Variants in CNTNAP2 observed in about 807,000 individuals in gnomAD.
CNTNAP2 encodes the protein contactin associated protein 2.
CNTNAP2 carries 98 observed loss-of-function variants against 155.2 expected under a neutral mutation model. The observed-to-expected ratio is 0.63, with a 90% CI of 0.54 to 0.75. The LOEUF (loss-of-function observed/expected upper bound fraction) is 0.75, where lower values mean the gene tolerates loss of function less well. Ranked by LOEUF, CNTNAP2 falls within the 30% of genes least tolerant of loss-of-function variation. The pLI is 0.00. For synonymous variants in CNTNAP2, 651 were observed against 631.2 expected (o/e 1.03, Z -0.47); for missense variants, 1,727 against 1,688.1 (o/e 1.02, Z -0.40).
Position 146,540,520 on chromosome 7 carries a change from A to G in CNTNAP2, c.98-233751A>G, listed in dbSNP as rs1205821351. On this transcript the variant is annotated intron_variant, in intron 1 of 23. Coordinates refer to ENST00000361727, the MANE Select transcript of CNTNAP2 (RefSeq NM_014141.6). ...CTTCAGAAGATCCAATAAAAAGGCT[A>G]TGCAAGACTGCAGAAGTTACTACCT... Among the ~76,000 whole-genome samples, 3 of 152,208 alleles carry G rather than the reference A, an allele frequency of 2.0e-5. No homozygotes were observed. In the East Asian group the frequency reaches 5.8e-4, roughly 30 times the overall value.
At position 147,778,582 on chromosome 7, in the gene CNTNAP2, G is replaced by A. The variant is rs188657487; in HGVS notation, c.2099-124983G>A. 1.1e-4 allele frequency among the ~76,000 whole-genome samples: 17 copies of A among 152,310 alleles called. No homozygotes were observed. The East Asian group carries it at 3.3e-3, about 29-fold the overall frequency. ...AGGTAGCACCTGTAGTTTCATGGAG[G>A]CCACAGCTCAGTGATACCTCGGTCC... On this transcript the variant is annotated intron_variant, in intron 13 of 23. Coordinates refer to ENST00000361727, the MANE Select transcript of CNTNAP2 (RefSeq NM_014141.6).
intron 1 of CNTNAP2, among the ~76,000 whole-genome samples, chr7:146,645,028 A>T (rs1799786975): frequency 6.6e-6 from 1 of 152,186 alleles, no homozygotes; most frequent in Admixed American, 6.5e-5. Flanking sequence ...GACACAACCA[A>T]AAAAGAGAAT....
chr7:146,483,599 G>C (rs1354004452), intron 1 of CNTNAP2, among the ~76,000 whole-genome samples: 2 of 149,876 alleles, frequency 1.3e-5, no homozygotes, highest in East Asian at 3.9e-4. Flanking sequence ...ATAGTTTATA[G>C]ATAATTCCAA....
At chr7:147,891,958 A>T (rs1419925911) in intron 13 of CNTNAP2, among the ~76,000 whole-genome samples, 2 of 152,220 alleles carry the variant, frequency 1.3e-5, no homozygotes, top group African/African-American at 4.8e-5. Flanking sequence ...ATGAAGAATG[A>T]TTTATCACAA....
chr7:148,033,936 G>A (rs184730009), intron 15 of CNTNAP2, among the ~76,000 whole-genome samples: 3 of 152,088 alleles, frequency 2.0e-5, no homozygotes, highest in East Asian at 1.9e-4. Flanking sequence ...AGGAGAAACA[G>A]GTAGCCAGTG....
intron 13 of CNTNAP2, among the ~76,000 whole-genome samples, chr7:147,742,809 C>G (rs1015620933): frequency 1.3e-5 from 2 of 152,092 alleles, no homozygotes; most frequent in African/African-American, 2.4e-5. Context: ...ACAGCGTTTT[C>G]AAAGATAGAG....
intron 12 of CNTNAP2, among the ~76,000 whole-genome samples, chr7:147,586,197 CA>C (rs1325598160): frequency 1.3e-5 from 2 of 151,946 alleles, no homozygotes; most frequent in African/African-American, 4.8e-5. Flanking sequence ...GTTGTGGAGA[CA>C]AAGGTTTTAT....
intron 20 of CNTNAP2, among the ~76,000 whole-genome samples, chr7:148,237,157 T>C (rs1445211800): frequency 6.6e-6 from 1 of 152,254 alleles, no homozygotes; most frequent in Admixed American, 6.5e-5. Flanking sequence ...AGCAGCACCC[T>C]GCCTTAAGAT....
chr7:148,059,529 A>G (rs2116508739), intron 15 of CNTNAP2, among the ~76,000 whole-genome samples: 1 of 150,986 alleles, frequency 6.6e-6, no homozygotes, highest in East Asian at 2.0e-4. Flanking sequence ...GGGAGGTTGC[A>G]GTGAGCTGAG....
chr7:148,129,119 G>A (rs1804773438), intron 16 of CNTNAP2, among the ~76,000 whole-genome samples: 1 of 152,116 alleles, frequency 6.6e-6, no homozygotes, highest in South Asian at 2.1e-4. Flanking sequence ...CTCGGCTGGG[G>A]CTCAACTTCT....
intron 8 of CNTNAP2, among the ~76,000 whole-genome samples, chr7:147,170,415 C>T (rs1802202979): frequency 1.3e-5 from 2 of 151,760 alleles, no homozygotes; most frequent in African/African-American, 4.8e-5. Flanking sequence ...GGCACTGTGC[C>T]GTGGCTTTGT....
rs117003306 is a variant in CNTNAP2 at position 146,398,114 on chromosome 7, C to T, written c.97+281141C>T. Among the ~76,000 whole-genome samples, 110 of 151,332 alleles carry T rather than the reference C, an allele frequency of 7.3e-4. No homozygotes were observed. In the East Asian group the frequency reaches 0.017, roughly 23 times the overall value. On this transcript the variant is annotated intron_variant, in intron 1 of 23. Transcript: ENST00000361727. ...CTTGAACTCCTGGGCTCAAGTGATC[C>T]GCCTGCCTTAGCCTTCCAAAGTGCA...
chr7:146,807,457 G>C (rs1802987883), intron 2 of CNTNAP2, among the ~76,000 whole-genome samples: 1 of 151,986 alleles, frequency 6.6e-6, no homozygotes, highest in Non-Finnish European at 1.5e-5. Flanking sequence ...GCCCACTTTT[G>C]GGGTGATGAG....
In CNTNAP2 at chr7:148,040,292, T is replaced by C. The variant is rs79102393; in HGVS notation, c.2383+62303T>C. Among the ~76,000 whole-genome samples the C allele has an allele frequency of 3.1e-3, 469 of 152,326 alleles. 2 individuals carry two copies. The highest frequency in any genetic ancestry group is 0.011 in the African/African-American group (447 of 41,576). ...ACTTTCTGAACTAAACTGAAAATAA[T>C]GTATGCTCAAGATAAGCTTACAACC... On this transcript the variant is annotated intron_variant, in intron 15 of 23. Coordinates refer to ENST00000361727, the MANE Select transcript of CNTNAP2 (RefSeq NM_014141.6).
At chr7:147,129,769 G>A (rs77837420) in intron 7 of CNTNAP2, among the ~76,000 whole-genome samples, 2,477 of 152,202 alleles carry the variant, frequency 0.016, 28 homozygotes, top group South Asian at 0.04. Context: ...ATCCCTGAAT[G>A]AATAAACAGT....
chr7:146,903,358 G>C (rs1448928454), intron 3 of CNTNAP2, among the ~76,000 whole-genome samples: 1 of 152,096 alleles, frequency 6.6e-6, no homozygotes, highest in Non-Finnish European at 1.5e-5. Flanking sequence ...TCTGTCTTCT[G>C]AGCTCCCAAC....
chr7:146,788,217 G>A (rs1291969153), intron 2 of CNTNAP2, among the ~76,000 whole-genome samples: 1 of 152,226 alleles, frequency 6.6e-6, no homozygotes, highest in Non-Finnish European at 1.5e-5. Flanking sequence ...AGCAGAGGGA[G>A]CGGACTCTTG....
intron 3 of CNTNAP2, among the ~76,000 whole-genome samples, chr7:146,976,769 G>A (rs569738562): frequency 6.6e-6 from 1 of 152,146 alleles, no homozygotes; most frequent in South Asian, 2.1e-4. Flanking sequence ...AGAAGGGTAA[G>A]GTATAGTCCT....
At chr7:148,114,474 A>G (rs549855149) in intron 15 of CNTNAP2, among the ~76,000 whole-genome samples, 7 of 152,300 alleles carry the variant, frequency 4.6e-5, no homozygotes, top group Non-Finnish European at 8.8e-5. Context: ...ACTGAGAGGA[A>G]ATGTTTTCAT....
Sources: gnomAD v4.1 joint callset for allele counts (sites outside exome capture counted in the v4.1 genomes callset) on GRCh38, gnomAD v4.1.1 for gene constraint, MANE v1.5 for transcripts, NCBI Gene and HGNC (gene_info 2026-07-23, HGNC 2026-07-21) for gene names.